PDE4D: variants seen among roughly 807,000 people sequenced by gnomAD.
PDE4D encodes the protein 3',5'-cyclic-AMP phosphodiesterase 4D.
In PDE4D, 24 loss-of-function variants were observed where a neutral mutation model predicts 87.4. The ratio of observed to expected loss-of-function variants is 0.27; its 90% CI spans 0.20 to 0.39. The LOEUF is 0.39. PDE4D is among the 10% of genes least tolerant of loss of function. The pLI is 1.00. For synonymous variants in PDE4D, 384 were observed against 383.2 expected, an observed-to-expected ratio of 1.00 and a Z score of -0.02; for missense variants, 714 against 1,041.0, an observed-to-expected ratio of 0.69 and a Z score of 4.32.
chr5:59,413,253 C>T (rs554888132), intron 1 of PDE4D, among the ~76,000 whole-genome samples: 9 of 151,928 alleles, frequency 5.9e-5, no homozygotes, highest in South Asian at 4.2e-4. Flanking sequence ...GTCAGGAGAT[C>T]GAGACCATCC....
Position 60,475,856 on chromosome 5 carries a change from C to T in PDE4D, c.-90+12086G>A, listed in dbSNP as rs189474092. Among the ~76,000 whole-genome samples, 738 of 145,742 alleles carry T rather than the reference C, an allele frequency of 5.1e-3. 9 individuals are homozygous for T. Among genetic ancestry groups the T allele is most frequent in the African/African-American group, 0.017 (683 of 40,696 alleles). Reference sequence around the variant, plus strand: ...AAAAAAAAAAAAGACAATTACCACCCGCATCACATAGCGTTGCAGGGAAAG... The same window carrying T: ...AAAAAAAAAAAAGACAATTACCACCTGCATCACATAGCGTTGCAGGGAAAG... On this transcript the variant is annotated intron_variant, in intron 1 of 16. Transcript: ENST00000502484.
chr5:59,099,421 C>T (rs1240903635), intron 5 of PDE4D, among the ~76,000 whole-genome samples: 1 of 152,204 alleles, frequency 6.6e-6, no homozygotes, highest in Non-Finnish European at 1.5e-5. Flanking sequence ...ACACTTCAGG[C>T]TTTACAGTCA....
intron 1 of PDE4D, among the ~76,000 whole-genome samples, chr5:59,509,358 C>G (rs1439855765): frequency 6.7e-6 from 1 of 150,088 alleles, no homozygotes; most frequent in Non-Finnish European, 1.5e-5. Flanking sequence ...GAATTCCCTA[C>G]TATTGGAGAG....
At chr5:60,166,684 T>A (rs1782933684) in intron 2 of PDE4D, among the ~76,000 whole-genome samples, 1 of 152,252 alleles carries the variant, frequency 6.6e-6, no homozygotes. Context: ...GTTTTTGTAT[T>A]ATTAGCATTC....
chr5:60,413,966 C>T (rs569277106), intron 1 of PDE4D, among the ~76,000 whole-genome samples: 3 of 152,100 alleles, frequency 2.0e-5, no homozygotes, highest in Non-Finnish European at 2.9e-5. Flanking sequence ...AAAACAGAAC[C>T]GATGCCCTAT....
chr5:60,107,708 A>G (rs924657892), intron 2 of PDE4D, among the ~76,000 whole-genome samples: 5 of 152,144 alleles, frequency 3.3e-5, no homozygotes, highest in East Asian at 3.9e-4. Flanking sequence ...TTCAATATAC[A>G]CAAATCAATA....
chr5:60,237,493 G>C (rs1194276847), intron 1 of PDE4D, among the ~76,000 whole-genome samples: 1 of 152,006 alleles, frequency 6.6e-6, no homozygotes, highest in Admixed American at 6.6e-5. Context: ...ACATTATGCT[G>C]TGTAGAAAAA....
chr5:59,135,869 T>G (rs1175414092), intron 5 of PDE4D, among the ~76,000 whole-genome samples: 1 of 152,196 alleles, frequency 6.6e-6, no homozygotes, highest in Non-Finnish European at 1.5e-5. Flanking sequence ...TATTCATGCA[T>G]TCGTTGTCCA....
chr5:60,163,339 A>T (rs1453563811), intron 2 of PDE4D, among the ~76,000 whole-genome samples: 1 of 151,806 alleles, frequency 6.6e-6, no homozygotes, highest in Non-Finnish European at 1.5e-5. Flanking sequence ...ATTTCTACAT[A>T]TTTTTTTCAC....
intron 6 of PDE4D, among the ~76,000 whole-genome samples, chr5:59,025,411 A>G (rs1391184028): frequency 1.3e-5 from 2 of 152,236 alleles, no homozygotes; most frequent in African/African-American, 4.8e-5. Flanking sequence ...CCTTAATAAT[A>G]AATGCACTTT....
chr5:59,707,929 G>T (rs1175252403), intron 1 of PDE4D, among the ~76,000 whole-genome samples: 1 of 152,138 alleles, frequency 6.6e-6, no homozygotes, highest in African/African-American at 2.4e-5. Context: ...ACCTGTGTAT[G>T]TATCTTTGTA....
At chr5:59,614,299 T>G (rs1829383214) in intron 1 of PDE4D, among the ~76,000 whole-genome samples, 1 of 152,184 alleles carries the variant, frequency 6.6e-6, no homozygotes, top group South Asian at 2.1e-4. Context: ...GGAGTAAGCA[T>G]CTTATTTTGG....
At chr5:60,486,870 AC>A (rs1254610681) in intron 1 of PDE4D, among the ~76,000 whole-genome samples, 1 of 152,206 alleles carries the variant, frequency 6.6e-6, no homozygotes, top group African/African-American at 2.4e-5. Context: ...TTGAAAAGGA[AC>A]CCCTTTATTT....
At chr5:59,754,947 T>C (rs1309398954) in intron 1 of PDE4D, among the ~76,000 whole-genome samples, 1 of 152,032 alleles carries the variant, frequency 6.6e-6, no homozygotes. Flanking sequence ...TACCTGCAAC[T>C]AAGGGATTGA....
intron 1 of PDE4D, among the ~76,000 whole-genome samples, chr5:60,446,678 C>T (rs1561267066): frequency 6.6e-6 from 1 of 152,010 alleles, no homozygotes; most frequent in Non-Finnish European, 1.5e-5. Context: ...TACACAACAC[C>T]GAAAGCAGCA....
At chr5:59,414,907 G>T (rs1793336240) in intron 1 of PDE4D, among the ~76,000 whole-genome samples, 1 of 152,162 alleles carries the variant, frequency 6.6e-6, no homozygotes, top group Admixed American at 6.5e-5. Flanking sequence ...GTTTCACAGA[G>T]GACATGGATT....
chr5:59,251,316 T>A (rs1229413612), intron 1 of PDE4D, among the ~76,000 whole-genome samples: 1 of 152,076 alleles, frequency 6.6e-6, no homozygotes, highest in African/African-American at 2.4e-5. Context: ...TATAAGGAAC[T>A]TAAACAAATT....
intron 2 of PDE4D, among the ~76,000 whole-genome samples, chr5:60,156,276 T>C (rs540373944): frequency 6.6e-6 from 1 of 152,336 alleles, no homozygotes; most frequent in South Asian, 2.1e-4. Flanking sequence ...CCAAGCTCAC[T>C]CAGTGCCCAT....
intron 2 of PDE4D, among the ~76,000 whole-genome samples, chr5:60,037,812 C>T (rs1167612646): frequency 6.6e-6 from 1 of 152,096 alleles, no homozygotes; most frequent in Non-Finnish European, 1.5e-5. Context: ...TATTCTGACA[C>T]TTTTTATTTT....
Sources: gnomAD v4.1 joint callset for allele counts (sites outside exome capture counted in the v4.1 genomes callset) on GRCh38, gnomAD v4.1.1 for gene constraint, MANE v1.5 for transcripts, NCBI Gene and HGNC (gene_info 2026-07-23, HGNC 2026-07-21) for gene names.